The following ROBO2 variants were observed in gnomAD, a reference collection of about 807,000 sequenced individuals.
ROBO2 encodes roundabout guidance receptor 2, also known as roundabout homolog 2.
A neutral mutation model predicts 160.8 loss-of-function variants in ROBO2; 53 were observed. The observed-to-expected ratio is 0.33, with a 90% CI of 0.26 to 0.41. The LOEUF is 0.41. ROBO2 is among the 10% of genes least tolerant of loss of function. The probability of loss-of-function intolerance (pLI) is 1.00; values close to 1 mark genes in which losing one functional copy is unlikely to be tolerated. For synonymous variants in ROBO2, 664 were observed against 611.7 expected (o/e 1.09, Z -1.26); for missense variants, 1,577 against 1,722.4 (o/e 0.92, Z 1.49).
rs557549407 is a variant in ROBO2 at position 76,126,877 on chromosome 3, AATTT to A, written c.109+189276_109+189279del. ...TGGTTGAAGCATATTAATTTCTATTAATTTGATTTCATTAATTTGAAAAAACTAC... is the reference window on the plus strand; with the variant it reads ...TGGTTGAAGCATATTAATTTCTATTAGATTTCATTAATTTGAAAAAACTAC... On this transcript the variant is annotated intron_variant, in intron 2 of 26. Transcript: ENST00000487694. Among the ~76,000 whole-genome samples, 9 of 152,216 alleles carry A rather than the reference AATTT, an allele frequency of 5.9e-5. No homozygotes were observed. The East Asian group carries it at 1.7e-3, about 29-fold the overall frequency.
At chr3:76,787,827 TG>T (rs1400292214) in intron 2 of ROBO2, among the ~76,000 whole-genome samples, 1 of 151,508 alleles carries the variant, frequency 6.6e-6, no homozygotes, top group African/African-American at 2.4e-5. Context: ...AGTATATATT[TG>T]TTGTTTATGC....
chr3:76,055,798 C>T (rs113840922), intron 2 of ROBO2, among the ~76,000 whole-genome samples: 3,126 of 152,122 alleles, frequency 0.021, 44 homozygotes, highest in East Asian at 0.081. Context: ...CTCGCTCTGT[C>T]GGCAGGCTGG....
At position 77,180,416 on chromosome 3, in the gene ROBO2, C is replaced by CTCTCTCTCTCTCTCTATATATATA. The variant is rs1433740534; in HGVS notation, c.388+82077_388+82078insCTCTCTCTCTCTCTATATATATAT. ...TCTCTCTCTCTCTCTCTCTCTCTCT[C>CTCTCTCTCTCTCTCTATATATATA]TATATATATATATATGTATTTTTTT... On this transcript the variant is annotated intron_variant, in intron 2 of 25. Transcript: ENST00000461745. 5.2e-3 allele frequency among the ~76,000 whole-genome samples: 469 copies of CTCTCTCTCTCTCTCTATATATATA among 90,542 alleles called. 2 individuals are homozygous for CTCTCTCTCTCTCTCTATATATATA. Among genetic ancestry groups the CTCTCTCTCTCTCTCTATATATATA allele is most frequent in the Non-Finnish European group, 8.4e-3 (368 of 43,746 alleles). 59.4% of individuals were successfully genotyped at this position (90,542 alleles called of 152,430 possible).
intron 2 of ROBO2, among the ~76,000 whole-genome samples, chr3:76,998,961 A>T (rs1229588524): frequency 6.6e-6 from 1 of 152,162 alleles, no homozygotes; most frequent in African/African-American, 2.4e-5. Flanking sequence ...ACTTAGAAGT[A>T]TTTAATTAAC....
rs78018795 is a variant in ROBO2 at position 77,326,143 on chromosome 3, C to A, written c.389-151271C>A. ...ATCCTCATAGCTTTTCTGGAGTAAC[C>A]GTGTATCCAATGGAATGATTCCAGT... On this transcript the variant is annotated intron_variant, in intron 2 of 25. Transcript: ENST00000461745. 2.4e-3 allele frequency among the ~76,000 whole-genome samples: 372 copies of A among 152,200 alleles called. 1 individual carries two copies. Among genetic ancestry groups the A allele is most frequent in the African/African-American group, 8.1e-3 (336 of 41,514 alleles).
intron 2 of ROBO2, among the ~76,000 whole-genome samples, chr3:76,620,337 A>T (rs192852583): frequency 2.9e-4 from 44 of 152,302 alleles, no homozygotes; most frequent in African/African-American, 1.1e-3. Context: ...ATGAAGATTA[A>T]TCTTGAATGA....
chr3:75,927,979 T>C (rs75353182), intron 1 of ROBO2, among the ~76,000 whole-genome samples: 17 of 280 alleles, frequency 0.061, 1 homozygote, highest in East Asian at 0.25. Flanking sequence ...TTTCTCTCTT[T>C]TTTTTTTTTT....
At chr3:77,411,064 C>A (rs1022836761) in intron 2 of ROBO2, among the ~76,000 whole-genome samples, 3 of 152,090 alleles carry the variant, frequency 2.0e-5, no homozygotes, top group Admixed American at 6.6e-5. Context: ...ACCTCAGCTT[C>A]CCCAAAATGC....
intron 2 of ROBO2, among the ~76,000 whole-genome samples, chr3:76,359,535 T>C (rs2075381179): frequency 6.6e-6 from 1 of 152,064 alleles, no homozygotes; most frequent in African/African-American, 2.4e-5. Flanking sequence ...GCTGGACATG[T>C]GATCCTTTAC....
chr3:76,722,424 C>T (rs938737952), intron 2 of ROBO2, among the ~76,000 whole-genome samples: 4 of 152,098 alleles, frequency 2.6e-5, no homozygotes, highest in South Asian at 2.1e-4. Context: ...CTGGCCAAAA[C>T]TTTGTATTTT....
chr3:77,367,658 T>TG (rs1047365165), intron 2 of ROBO2, among the ~76,000 whole-genome samples: 4 of 152,196 alleles, frequency 2.6e-5, no homozygotes, highest in African/African-American at 9.6e-5. Context: ...TAATTTTCCG[T>TG]GGTTCTGTGG....
chr3:77,290,392 A>G (rs540682628), intron 2 of ROBO2, among the ~76,000 whole-genome samples: 1 of 58,796 alleles, frequency 1.7e-5, no homozygotes, highest in South Asian at 9.2e-4. Flanking sequence ...AAAGACATAA[A>G]GTAAAATTGA....
At chr3:77,162,575 G>C (rs1008671551) in intron 2 of ROBO2, among the ~76,000 whole-genome samples, 9 of 152,122 alleles carry the variant, frequency 5.9e-5, no homozygotes, top group Non-Finnish European at 8.8e-5. Flanking sequence ...TTACATAATG[G>C]AAACAGTACA....
At chr3:75,921,581 ATATAC>A (rs1457077997) in intron 1 of ROBO2, among the ~76,000 whole-genome samples, 1 of 152,114 alleles carries the variant, frequency 6.6e-6, no homozygotes, top group Non-Finnish European at 1.5e-5. Context: ...GAATCAACAA[ATATAC>A]TATAATGTTT....
intron 2 of ROBO2, among the ~76,000 whole-genome samples, chr3:77,353,391 G>C (rs953642579): frequency 3.3e-5 from 5 of 152,174 alleles, no homozygotes; most frequent in African/African-American, 1.2e-4. Context: ...ACCAAGGAGA[G>C]CTTTGGTCAA....
At chr3:77,388,420 A>G (rs543799182) in intron 2 of ROBO2, among the ~76,000 whole-genome samples, 1 of 152,174 alleles carries the variant, frequency 6.6e-6, no homozygotes, top group South Asian at 2.1e-4. Flanking sequence ...GTCTCTAAAA[A>G]CAAACAAACA....
In ROBO2 at chr3:76,147,397, A is replaced by G. The variant is rs536566225; in HGVS notation, c.109+209795A>G. On this transcript the variant is annotated intron_variant, in intron 2 of 26. Transcript: ENST00000487694. The stretch of plus-strand genomic sequence containing the variant: ...AATATTAATTATCTTATTAATTTTA[A>G]TAAGTAAAGGGTGTGTGTGCATACG... Among the ~76,000 whole-genome samples the G allele has an allele frequency of 4.0e-5, 6 of 151,892 alleles. No homozygotes were observed. The East Asian group carries it at 1.2e-3, about 29-fold the overall frequency.
At chr3:76,185,195 GATATATATATAT>G (rs1219580267) in intron 2 of ROBO2, among the ~76,000 whole-genome samples, 1 of 44,496 alleles carries the variant, frequency 2.2e-5, no homozygotes, top group Non-Finnish European at 5.1e-5. Context: ...AGTAAACACA[GATATATATATAT>G]ATATATATAC....
At chr3:76,397,295 C>T (rs1438266884) in intron 2 of ROBO2, among the ~76,000 whole-genome samples, 1 of 152,148 alleles carries the variant, frequency 6.6e-6, no homozygotes, top group African/African-American at 2.4e-5. Context: ...AACTGGATCC[C>T]TTCCTTACAC....
Sources: gnomAD v4.1 joint callset for allele counts (sites outside exome capture counted in the v4.1 genomes callset) on GRCh38, gnomAD v4.1.1 for gene constraint, MANE v1.5 for transcripts, NCBI Gene and HGNC (gene_info 2026-07-23, HGNC 2026-07-21) for gene names.